ATP11B: variants seen among roughly 807,000 people sequenced by gnomAD.
ATP11B encodes phospholipid-transporting ATPase IF.
Under a neutral mutation model 157.8 loss-of-function variants are expected in ATP11B, and 81 were observed. That is an observed-to-expected ratio of 0.51 (90% CI 0.43 to 0.62). The LOEUF (loss-of-function observed/expected upper bound fraction) is 0.62, where lower values mean the gene tolerates loss of function less well. Among genes scored for constraint, ATP11B ranks in the 20% least tolerant of loss-of-function variants. The pLI, the probability that ATP11B is intolerant of heterozygous loss-of-function variation, is 0.00. For synonymous variants in ATP11B, 451 were observed against 469.4 expected, an observed-to-expected ratio of 0.96 and a Z score of 0.51; for missense variants, 1,165 against 1,402.2, an observed-to-expected ratio of 0.83 and a Z score of 2.70.
Position 182,858,042 on chromosome 3 carries a change from T to C in ATP11B, c.1002+14T>C. 1 of 1,598,614 alleles carries C rather than the reference T, an allele frequency of 6.3e-7. No homozygotes were observed. Among genetic ancestry groups the C allele is most frequent in the Non-Finnish European group, 8.6e-7 (1 of 1,168,418 alleles). On this transcript the variant is annotated intron_variant, in intron 11 of 29. Transcript: ENST00000323116. ...AATAGCAGTAAGGTATTTTATGGTG[T>C]TATTGACTGTGTCATAAAGGAAACT...
Position 182,918,779 on chromosome 3 carries a change from T to TATATC in ATP11B, c.*680_*684dup, listed in dbSNP as rs529785008. 638 of 160,456 alleles carry TATATC rather than the reference T, an allele frequency of 4.0e-3. 7 individuals carry two copies. Among genetic ancestry groups the TATATC allele is most frequent in the African/African-American group, 0.015 (617 of 41,950 alleles). The allele number at this position is 160,456 out of a possible 1,614,324, so 9.9% of individuals were successfully genotyped here. On this transcript the variant is annotated 3_prime_UTR_variant, in exon 30 of 30. Coordinates refer to ENST00000323116, the MANE Select transcript of ATP11B (RefSeq NM_014616.3). The stretch of plus-strand genomic sequence containing the variant: ...AAAGTTAGCCATATAAATGCAAGGG[T>TATATC]ATATCATATATACAAATCAGGAATC...
At chr3:182,917,143 CT>C (rs2108600520) in intron 29 of ATP11B, 1 of 985,254 alleles carries the variant, frequency 1.0e-6, no homozygotes, top group South Asian at 4.7e-5. Context: ...GAATTGGGGC[CT>C]TTTTTAACGC....
At chr3:182,903,763 C>G (rs1577106164) in intron 28 of ATP11B, among the ~76,000 whole-genome samples, 1 of 152,154 alleles carries the variant, frequency 6.6e-6, no homozygotes, top group East Asian at 1.9e-4. Context: ...CAGTGGCTTT[C>G]TATCACATTT....
chr3:182,799,497 G>A (rs896483695), intron 1 of ATP11B, among the ~76,000 whole-genome samples: 18 of 151,812 alleles, frequency 1.2e-4, no homozygotes, highest in Non-Finnish European at 1.6e-4. Flanking sequence ...GGATGGTCTC[G>A]ATCTCCTGAC....
chr3:182,844,853 T>C (rs1276229834), intron 8 of ATP11B, among the ~76,000 whole-genome samples: 1 of 152,202 alleles, frequency 6.6e-6, no homozygotes, highest in Non-Finnish European at 1.5e-5. Flanking sequence ...TTGCTGAATT[T>C]TATGTTTAAA....
chr3:182,808,983 C>T (rs907003341), intron 1 of ATP11B, among the ~76,000 whole-genome samples: 3 of 151,562 alleles, frequency 2.0e-5, no homozygotes, highest in Non-Finnish European at 2.9e-5. Flanking sequence ...AGATTGTTTC[C>T]CTTGCTTTCT....
chr3:182,842,166 T>C (rs1270696504), intron 8 of ATP11B, 44 bp downstream of exon 8: 16 of 1,388,956 alleles, frequency 1.2e-5, no homozygotes, highest in Non-Finnish European at 1.5e-5. Flanking sequence ...AAATGGGAAC[T>C]GTTTGGGGGA....
intron 29 of ATP11B, chr3:182,914,995 G>A (rs1725047615): frequency 8.1e-6 from 8 of 985,176 alleles, no homozygotes; most frequent in Non-Finnish European, 9.6e-6. Context: ...ACATGTGCCA[G>A]GGCTTGGAAA....
intron 10 of ATP11B, among the ~76,000 whole-genome samples, chr3:182,849,781 A>G (rs1719824615): frequency 6.6e-6 from 1 of 152,182 alleles, no homozygotes; most frequent in Non-Finnish European, 1.5e-5. Flanking sequence ...TGTTTGGCAT[A>G]TGTGTAATTG....
chr3:182,873,829 G>A lies in ATP11B; in HGVS notation c.2066G>A (p.Arg689Gln), dbSNP rs377264720. 266 of 1,613,828 alleles carry A rather than the reference G, an allele frequency of 1.6e-4. No homozygotes were observed. The highest frequency in any genetic ancestry group is 2.1e-4 in the Non-Finnish European group (244 of 1,179,926). The change falls in exon 19 of 30, where the codon CGA (arginine) becomes CAA (glutamine). Residue 689 changes from arginine (R) to glutamine (Q), a missense_variant. By Grantham distance (43) the Arg-to-Gln change is conservative (BLOSUM62 1). This residue lies in a region of ATP11B where 737 missense variants were observed against 930.5 expected (regional missense o/e 0.79). Transcript: ENST00000323116. The stretch of plus-strand genomic sequence containing the variant: ...CTTTTCAGACTACAAGATAAAGTTC[G>A]AGAAACTATTGAAGCATTGAGAATG... Reference protein sequence around the residue: ...AVEDRLQDKVRETIEALRMAG... With the variant: ...AVEDRLQDKVQETIEALRMAG...
intron 21 of ATP11B, 117 bp from the exon 22 acceptor site, chr3:182,884,636 T>C: frequency 2.0e-6 from 2 of 991,556 alleles, no homozygotes; most frequent in Non-Finnish European, 2.9e-6. Flanking sequence ...CTGCTGTATA[T>C]TAGGATTTAA....
chr3:182,877,812 A>G (rs1256416529), intron 19 of ATP11B, among the ~76,000 whole-genome samples: 2 of 152,206 alleles, frequency 1.3e-5, no homozygotes, highest in Non-Finnish European at 2.9e-5. Flanking sequence ...AATGCTACCT[A>G]CGTGCCAGAG....
chr3:182,864,401 C>T (rs1435884015), intron 12 of ATP11B, among the ~76,000 whole-genome samples: 2 of 151,988 alleles, frequency 1.3e-5, no homozygotes, highest in Non-Finnish European at 2.9e-5. Context: ...TTATAGATAC[C>T]CTTTATCAGG....
chr3:182,823,801 A>G (rs1717534740), intron 2 of ATP11B, among the ~76,000 whole-genome samples: 1 of 152,074 alleles, frequency 6.6e-6, no homozygotes, highest in Non-Finnish European at 1.5e-5. Context: ...GAAATTATGC[A>G]AGAAATAAAA....
intron 1 of ATP11B, among the ~76,000 whole-genome samples, chr3:182,819,515 A>G (rs6771571): frequency 0.95 from 145,144 of 152,326 alleles, 69,216 homozygotes; most frequent in East Asian, 1. Flanking sequence ...CTTTTCTACC[A>G]GAGGTGATTA....
rs767347932 is a variant in ATP11B at position 182,793,820 on chromosome 3, C to G, written c.27+34C>G. 23 of 1,304,404 alleles carry G rather than the reference C, an allele frequency of 1.8e-5. No homozygotes were observed. The Admixed American group carries it at 5.7e-4, about 32-fold the overall frequency. The allele number at this position is 1,304,404 out of a possible 1,614,324, so 80.8% of individuals were successfully genotyped here. Reference sequence around the variant, plus strand: ...CCCCGCCCCTCCACCTCCATTCGTCCGCCCCCGCGGGGCCTCTCGGCCCGG... The same window carrying G: ...CCCCGCCCCTCCACCTCCATTCGTCGGCCCCCGCGGGGCCTCTCGGCCCGG... On this transcript the variant is annotated intron_variant, in intron 1 of 29. Coordinates refer to ENST00000323116, the MANE Select transcript of ATP11B (RefSeq NM_014616.3).
chr3:182,807,266 A>G (rs2108487954), intron 1 of ATP11B, among the ~76,000 whole-genome samples: 1 of 152,290 alleles, frequency 6.6e-6, no homozygotes, highest in East Asian at 1.9e-4. Context: ...AAGTGTGATA[A>G]GACTACAGAA....
intron 3 of ATP11B, among the ~76,000 whole-genome samples, chr3:182,828,743 TAGAC>T (rs1320497768): frequency 6.6e-6 from 1 of 151,710 alleles, no homozygotes; most frequent in Non-Finnish European, 1.5e-5. Flanking sequence ...TATAGGCTGT[TAGAC>T]AGTTTCTTAA....
At chr3:182,880,663 A>T in intron 20 of ATP11B, among the ~76,000 whole-genome samples, 1 of 152,204 alleles carries the variant, frequency 6.6e-6, no homozygotes, top group South Asian at 2.1e-4. Context: ...TAAAATCCAA[A>T]GATAATTCTC....
Sources: allele counts gnomAD v4.1 joint callset (sites outside exome capture counted in the v4.1 genomes callset), GRCh38; gene constraint gnomAD v4.1.1; regional missense constraint gnomAD v4.1.1; transcripts MANE v1.5; gene names NCBI Gene and HGNC (gene_info 2026-07-23, HGNC 2026-07-21).